Variants in DLGAP2 observed in about 807,000 individuals in gnomAD.
DLGAP2 encodes DLG associated protein 2, also known as disks large-associated protein 2.
Under a neutral mutation model 100.3 loss-of-function variants are expected in DLGAP2, and 26 were observed. The observed-to-expected ratio is 0.26, with a 90% CI of 0.19 to 0.36. The LOEUF (loss-of-function observed/expected upper bound fraction) is 0.36, where lower values mean the gene tolerates loss of function less well. DLGAP2 is among the 10% of genes least tolerant of loss of function. The pLI is 1.00. For missense variants in DLGAP2, 1,858 were observed against 1,453.2 expected, an observed-to-expected ratio of 1.28 and a Z score of -4.53; for synonymous variants, 886 against 630.1, an observed-to-expected ratio of 1.41 and a Z score of -6.08.
chr8:1,558,977 C>G (rs1427812636), intron 5 of DLGAP2, among the ~76,000 whole-genome samples: 2 of 152,194 alleles, frequency 1.3e-5, no homozygotes, highest in African/African-American at 4.8e-5. Flanking sequence ...TCCAGTGCCT[C>G]CAAGAGAATA....
At chr8:1,589,120 T>A (rs1360403910) in intron 6 of DLGAP2, among the ~76,000 whole-genome samples, 1 of 152,146 alleles carries the variant, frequency 6.6e-6, no homozygotes, top group Non-Finnish European at 1.5e-5. Context: ...TATCTCTGGG[T>A]TTGTGGTTGA....
chr8:1,192,060 G>A (rs2116732156), intron 2 of DLGAP2, among the ~76,000 whole-genome samples: 1 of 152,242 alleles, frequency 6.6e-6, no homozygotes, highest in East Asian at 1.9e-4. Context: ...AGCCTCCCAG[G>A]GCTCTCTGAG....
chr8:1,294,825 T>C (rs915928420), intron 3 of DLGAP2, among the ~76,000 whole-genome samples: 2 of 151,072 alleles, frequency 1.3e-5, no homozygotes, highest in African/African-American at 4.9e-5. Context: ...GCTGAGATTG[T>C]GCTGTTGCAT....
chr8:809,667 G>T (rs1336674542), intron 1 of DLGAP2, among the ~76,000 whole-genome samples: 1 of 152,164 alleles, frequency 6.6e-6, no homozygotes, highest in African/African-American at 2.4e-5. Flanking sequence ...AATTGGTGAA[G>T]AACGGATGTG....
intron 3 of DLGAP2, among the ~76,000 whole-genome samples, chr8:1,365,288 G>A (rs144110224): frequency 1.1e-3 from 161 of 152,240 alleles, no homozygotes; most frequent in African/African-American, 3.7e-3. Flanking sequence ...TGTGGCTCAG[G>A]TGCTGAGCCT....
At chr8:1,554,779 C>G (rs1159590595) in intron 5 of DLGAP2, among the ~76,000 whole-genome samples, 2 of 151,684 alleles carry the variant, frequency 1.3e-5, no homozygotes, top group African/African-American at 4.8e-5. Flanking sequence ...AGCCCCCCCT[C>G]CCCCGCGCCC....
intron 1 of DLGAP2, among the ~76,000 whole-genome samples, chr8:768,314 C>G (rs957994179): frequency 3.3e-5 from 5 of 151,916 alleles, no homozygotes; most frequent in African/African-American, 1.2e-4. Context: ...TGGTTATTTA[C>G]TATACAGTCA....
chr8:1,568,892 TGCGGCCCCC>T (rs1802537225), intron 6 of DLGAP2, among the ~76,000 whole-genome samples: 1 of 39,806 alleles, frequency 2.5e-5, no homozygotes. Flanking sequence ...CATCTCTGCC[TGCGGCCCCC>T]ATGCCACTGC....
chr8:1,351,043 T>C (rs1277620074), intron 3 of DLGAP2, among the ~76,000 whole-genome samples: 5 of 52,172 alleles, frequency 9.6e-5, no homozygotes, highest in African/African-American at 8.5e-5. Flanking sequence ...CCTGACTGTG[T>C]GTGGAAAGGC....
intron 3 of DLGAP2, among the ~76,000 whole-genome samples, chr8:1,464,506 GGCACCC>G (rs1798564116): frequency 7.7e-6 from 1 of 129,598 alleles, no homozygotes; most frequent in Non-Finnish European, 1.7e-5. Flanking sequence ...CTTCCAGGAC[GGCACCC>G]TTCCAGGAAA....
chr8:818,956 T>C (rs1050656218), intron 1 of DLGAP2, among the ~76,000 whole-genome samples: 11 of 152,222 alleles, frequency 7.2e-5, no homozygotes, highest in Admixed American at 2.6e-4. Context: ...TTTTCATAGA[T>C]GTCTTTTTAC....
intron 3 of DLGAP2, among the ~76,000 whole-genome samples, chr8:1,436,977 G>A (rs181687313): frequency 1.8e-4 from 28 of 152,370 alleles, no homozygotes; most frequent in African/African-American, 6.0e-4. Flanking sequence ...GGGAGCAGGA[G>A]GCCTATGCCG....
chr8:853,913 C>G (rs1048849593), intron 1 of DLGAP2, among the ~76,000 whole-genome samples: 2 of 152,044 alleles, frequency 1.3e-5, no homozygotes, highest in African/African-American at 4.8e-5. Flanking sequence ...ACTGGGAGGT[C>G]ATGAAGTCAT....
At chr8:1,583,271 C>G (rs149021842) in intron 6 of DLGAP2, among the ~76,000 whole-genome samples, 17 of 152,256 alleles carry the variant, frequency 1.1e-4, no homozygotes, top group African/African-American at 4.1e-4. Flanking sequence ...GTGAGGTGAT[C>G]AAGTGAGTAA....
At chr8:1,597,149 A>C (rs1396787483) in intron 6 of DLGAP2, among the ~76,000 whole-genome samples, 1 of 152,114 alleles carries the variant, frequency 6.6e-6, no homozygotes, top group Non-Finnish European at 1.5e-5. Flanking sequence ...TGTTTTTGTC[A>C]GGTTTGTCAA....
At chr8:1,290,822 A>C (rs1380128260) in intron 3 of DLGAP2, among the ~76,000 whole-genome samples, 1 of 152,240 alleles carries the variant, frequency 6.6e-6, no homozygotes, top group African/African-American at 2.4e-5. Context: ...ATACTGTGTA[A>C]GGTGGTGTTT....
chr8:937,273 T>A (rs1442630881), intron 2 of DLGAP2, among the ~76,000 whole-genome samples: 1 of 152,238 alleles, frequency 6.6e-6, no homozygotes, highest in African/African-American at 2.4e-5. Context: ...TGCTGTTTCT[T>A]ATGGATTCAA....
At chr8:895,563 T>C (rs941039630) in intron 1 of DLGAP2, among the ~76,000 whole-genome samples, 9 of 152,186 alleles carry the variant, frequency 5.9e-5, no homozygotes, top group African/African-American at 2.2e-4. Flanking sequence ...TAGAGCCACA[T>C]TGCATGGGGC....
In DLGAP2 at chr8:1,281,446, C is replaced by A. The variant is rs562958969; in HGVS notation, c.106+22563C>A. ...AATGCTCAGTAAATATTCCAAGTTC[C>A]TGCGCCTCCCCAGCCCTTCTGTCCC... On this transcript the variant is annotated intron_variant, in intron 3 of 14. Transcript: ENST00000637795. 6.6e-5 allele frequency among the ~76,000 whole-genome samples: 10 copies of A among 152,310 alleles called. No individual in the cohort carries two copies. In the South Asian group the frequency reaches 1.0e-3, roughly 16 times the overall value.
Sources: gnomAD v4.1 joint callset for allele counts (sites outside exome capture counted in the v4.1 genomes callset) on GRCh38, gnomAD v4.1.1 for gene constraint, MANE v1.5 for transcripts, NCBI Gene and HGNC (gene_info 2026-07-23, HGNC 2026-07-21) for gene names.